The following MSRA variants were observed in gnomAD, a reference collection of about 807,000 sequenced individuals.
MSRA encodes the protein mitochondrial peptide methionine sulfoxide reductase.
In MSRA, 54 loss-of-function variants were observed where a neutral mutation model predicts 31.3. The ratio of observed to expected loss-of-function variants is 1.73; its 90% CI spans 1.39 to 2.17. The LOEUF is 2.17. MSRA is among the 30% of genes most tolerant of loss of function. The pLI is 0.00. For synonymous variants in MSRA, 169 were observed against 116.5 expected, an observed-to-expected ratio of 1.45 and a Z score of -2.90; for missense variants, 507 against 300.9, an observed-to-expected ratio of 1.69 and a Z score of -5.07.
intron 1 of MSRA, among the ~76,000 whole-genome samples, chr8:10,198,638 T>G (rs938692618): frequency 3.3e-5 from 5 of 152,162 alleles, no homozygotes; most frequent in Admixed American, 1.3e-4. Flanking sequence ...TTGGTTGTGG[T>G]AGTTGTGGCA....
chr8:10,339,890 A>C (rs1803312041), intron 5 of MSRA, among the ~76,000 whole-genome samples: 1 of 152,036 alleles, frequency 6.6e-6, no homozygotes, highest in South Asian at 2.1e-4. Context: ...GAGGGAACAT[A>C]AGGACCCTAT....
intron 5 of MSRA, among the ~76,000 whole-genome samples, chr8:10,381,911 C>G (rs1236345838): frequency 6.6e-6 from 1 of 152,160 alleles, no homozygotes; most frequent in Non-Finnish European, 1.5e-5. Context: ...TCTTGGGACC[C>G]CAGGGGATTA....
chr8:10,097,483 A>G (rs1435305410), intron 1 of MSRA, among the ~76,000 whole-genome samples: 1 of 152,138 alleles, frequency 6.6e-6, no homozygotes, highest in African/African-American at 2.4e-5. Context: ...AAAAAACAAC[A>G]ATATATGAAA....
intron 5 of MSRA, among the ~76,000 whole-genome samples, chr8:10,418,424 C>G (rs1457930467): frequency 6.6e-6 from 1 of 152,134 alleles, no homozygotes; most frequent in Admixed American, 6.5e-5. Flanking sequence ...TTCCGGAGCC[C>G]TGTGCCTGGC....
intron 5 of MSRA, among the ~76,000 whole-genome samples, chr8:10,327,983 T>G (rs1365609896): frequency 2.0e-5 from 3 of 151,172 alleles, no homozygotes; most frequent in East Asian, 3.9e-4. Context: ...AATGCAGTCA[T>G]TGCTGCTTTT....
chr8:10,121,857 TTTTG>T (rs889936919), intron 1 of MSRA, among the ~76,000 whole-genome samples: 1 of 151,948 alleles, frequency 6.6e-6, no homozygotes, highest in Non-Finnish European at 1.5e-5. Flanking sequence ...TTTTTTTTTT[TTTTG>T]GTAGAAACAG....
At chr8:10,259,735 G>A (rs891362183) in intron 3 of MSRA, among the ~76,000 whole-genome samples, 1 of 152,204 alleles carries the variant, frequency 6.6e-6, no homozygotes, top group Non-Finnish European at 1.5e-5. Flanking sequence ...CCAGGCGTGT[G>A]GGGGAGAGAT....
chr8:10,065,860 C>T (rs1404880280), intron 1 of MSRA, among the ~76,000 whole-genome samples: 1 of 152,014 alleles, frequency 6.6e-6, no homozygotes, highest in Admixed American at 6.6e-5. Flanking sequence ...CCTCTGGTTT[C>T]TTGTCCCAGT....
chr8:10,269,136 C>G (rs764561862), intron 3 of MSRA, among the ~76,000 whole-genome samples: 4 of 152,226 alleles, frequency 2.6e-5, no homozygotes, highest in Admixed American at 1.3e-4. Flanking sequence ...CCACAAAATG[C>G]AATTTGCTGC....
At chr8:10,117,964 A>G (rs995279395) in intron 1 of MSRA, among the ~76,000 whole-genome samples, 1 of 152,204 alleles carries the variant, frequency 6.6e-6, no homozygotes, top group Non-Finnish European at 1.5e-5. Flanking sequence ...ATAAACAAAA[A>G]CATAAGAAAC....
intron 4 of MSRA, among the ~76,000 whole-genome samples, chr8:10,313,913 A>T (rs1801574481): frequency 6.6e-6 from 1 of 152,198 alleles, no homozygotes; most frequent in Admixed American, 6.5e-5. Context: ...AGTACTGGGG[A>T]AATAATGGCT....
chr8:10,307,462 A>T (rs1320803379), intron 4 of MSRA, among the ~76,000 whole-genome samples: 1 of 152,204 alleles, frequency 6.6e-6, no homozygotes, highest in Non-Finnish European at 1.5e-5. Flanking sequence ...CACTGCGCCC[A>T]GCTGGGGTGC....
intron 5 of MSRA, among the ~76,000 whole-genome samples, chr8:10,330,206 T>C (rs13257887): frequency 0.42 from 62,017 of 148,046 alleles, 13,805 homozygotes; most frequent in Non-Finnish European, 0.5. Flanking sequence ...AAATGTGATA[T>C]ACACACACAC....
At chr8:10,250,646 C>G (rs1797867346) in intron 3 of MSRA, 1 of 603,230 alleles carries the variant, frequency 1.7e-6, no homozygotes. Context: ...AGCAGGAGCC[C>G]AGGTGTGGGA....
chr8:10,361,375 T>C (rs1804835544), intron 5 of MSRA, among the ~76,000 whole-genome samples: 1 of 152,208 alleles, frequency 6.6e-6, no homozygotes. Flanking sequence ...GGGAGACTTG[T>C]GCTTGGGACT....
At chr8:10,097,840 T>C (rs1273312776) in intron 1 of MSRA, among the ~76,000 whole-genome samples, 2 of 152,156 alleles carry the variant, frequency 1.3e-5, no homozygotes, top group African/African-American at 4.8e-5. Flanking sequence ...TTTTCGATAC[T>C]GGTAAAACTA....
At chr8:10,358,245 C>G (rs926060833) in intron 5 of MSRA, among the ~76,000 whole-genome samples, 6 of 152,120 alleles carry the variant, frequency 3.9e-5, no homozygotes, top group African/African-American at 1.4e-4. Context: ...GCCACCACTC[C>G]TGGCAAATCT....
intron 1 of MSRA, among the ~76,000 whole-genome samples, chr8:10,131,199 G>A (rs2129024915): frequency 6.6e-6 from 1 of 152,286 alleles, no homozygotes; most frequent in African/African-American, 2.4e-5. Flanking sequence ...CTGGAAGCTT[G>A]CCCTCCAATG....
chr8:10,278,561 C>T (rs779717149), intron 3 of MSRA, among the ~76,000 whole-genome samples: 3 of 152,238 alleles, frequency 2.0e-5, no homozygotes, highest in East Asian at 1.9e-4. Context: ...ATGGAGTGGG[C>T]ACACCTATGG....
Sources: allele counts gnomAD v4.1 joint callset (sites outside exome capture counted in the v4.1 genomes callset), GRCh38; gene constraint gnomAD v4.1.1; transcripts MANE v1.5; gene names NCBI Gene and HGNC (gene_info 2026-07-23, HGNC 2026-07-21).